IL1RAPL2: variants seen among roughly 807,000 people sequenced by gnomAD.
IL1RAPL2 encodes interleukin 1 receptor accessory protein like 2.
Under a neutral mutation model 44.1 loss-of-function variants are expected in IL1RAPL2, and 3 were observed. The ratio of observed to expected loss-of-function variants is 0.07; its 90% CI spans 0.03 to 0.18. The LOEUF is 0.18. Among genes scored for constraint, IL1RAPL2 ranks in the 10% least tolerant of loss-of-function variants. The pLI is 1.00. For missense variants in IL1RAPL2, 391 were observed against 496.4 expected, an observed-to-expected ratio of 0.79 and a Z score of 2.02; for synonymous variants, 181 against 178.8, an observed-to-expected ratio of 1.01 and a Z score of -0.10.
intron 6 of IL1RAPL2, among the ~76,000 whole-genome samples, chrX:105,558,601 T>G (rs2036912236): frequency 8.9e-6 from 1 of 112,152 alleles, no homozygotes; most frequent in South Asian, 3.6e-4. Flanking sequence ...TATTTATCTA[T>G]CTGAATAAAA....
chrX:105,421,879 C>G (rs753303193), intron 5 of IL1RAPL2, among the ~76,000 whole-genome samples: 36 of 111,900 alleles, frequency 3.2e-4, no homozygotes, highest in Non-Finnish European at 5.8e-4. Flanking sequence ...GGAGAAATAA[C>G]TGAAAACATT....
chrX:105,300,960 G>C (rs750455002), intron 5 of IL1RAPL2, among the ~76,000 whole-genome samples: 2 of 111,807 alleles, frequency 1.8e-5, no homozygotes, highest in Non-Finnish European at 3.8e-5. Flanking sequence ...CAGAGAAATG[G>C]AATAAAAATT....
intron 4 of IL1RAPL2, among the ~76,000 whole-genome samples, chrX:105,237,262 G>A (rs933592014): frequency 1.8e-5 from 2 of 111,925 alleles, no homozygotes; most frequent in Admixed American, 1.9e-4. Flanking sequence ...ATTTGGGTTG[G>A]TTCCAGGTCT....
rs187151073 is a variant in IL1RAPL2, at chrX:105,182,046, G to A, written c.83-13429G>A. Among the ~76,000 whole-genome samples the A allele has an allele frequency of 8.7e-3, 865 of 99,408 alleles. 14 individuals carry two copies. Among genetic ancestry groups the A allele is most frequent in the Non-Finnish European group, 0.012 (583 of 50,573 alleles). 86.3% of individuals were successfully genotyped at this position (99,408 alleles called of 115,157 possible). ...TGCGCCACTGCACTCCAGCCTGGGC[G>A]ACAGAGTGAGACTCTGTCAAAAAAA... On this transcript the variant is annotated intron_variant, in intron 2 of 10. Transcript: ENST00000372582.
At chrX:104,883,401 C>T (rs1277445268) in intron 2 of IL1RAPL2, among the ~76,000 whole-genome samples, 3 of 111,002 alleles carry the variant, frequency 2.7e-5, no homozygotes, top group Admixed American at 9.6e-5. Context: ...TTCTGCTTTT[C>T]CTGTACTTCT....
At chrX:104,901,550 C>T (rs1226196764) in intron 2 of IL1RAPL2, among the ~76,000 whole-genome samples, 3 of 110,353 alleles carry the variant, frequency 2.7e-5, no homozygotes, top group Non-Finnish European at 5.7e-5. Flanking sequence ...TTTTAAGAGC[C>T]TGGCAGGCTC....
chrX:105,443,718 A>G (rs1187009350), intron 5 of IL1RAPL2, among the ~76,000 whole-genome samples: 1 of 112,163 alleles, frequency 8.9e-6, no homozygotes, highest in Non-Finnish European at 1.9e-5. Flanking sequence ...TCCATTGTGT[A>G]TAAGTACATT....
chrX:105,687,792 A>G lies in IL1RAPL2; in HGVS notation c.773-29575A>G, dbSNP rs181322454. Among the ~76,000 whole-genome samples the G allele has an allele frequency of 1.9e-4, 21 of 111,938 alleles. 1 individual carries two copies. The East Asian group carries it at 5.1e-3, about 27-fold the overall frequency. On this transcript the variant is annotated intron_variant, in intron 6 of 10. Transcript: ENST00000372582. Reference sequence around the variant, plus strand: ...ACAAAAAAAGAGAATTTAGACCAGTATCCCTGATGAACATTGATGCGAAAA... The same window carrying G: ...ACAAAAAAAGAGAATTTAGACCAGTGTCCCTGATGAACATTGATGCGAAAA...
chrX:105,509,177 C>T (rs1047076798), intron 6 of IL1RAPL2, among the ~76,000 whole-genome samples: 1 of 111,649 alleles, frequency 9.0e-6, no homozygotes, highest in East Asian at 2.8e-4. Context: ...TTCACGGACT[C>T]TAATAAAGTT....
At chrX:105,500,325 A>G (rs945344825) in intron 6 of IL1RAPL2, among the ~76,000 whole-genome samples, 4 of 109,489 alleles carry the variant, frequency 3.7e-5, no homozygotes, top group Non-Finnish European at 5.7e-5. Flanking sequence ...ACTTCATGTT[A>G]TATGTTAGTT....
At chrX:104,822,088 G>A (rs1921319158) in intron 2 of IL1RAPL2, among the ~76,000 whole-genome samples, 2 of 111,256 alleles carry the variant, frequency 1.8e-5, no homozygotes, top group African/African-American at 3.3e-5. Flanking sequence ...TTTCTGATGG[G>A]GTGTTTTTTT....
At chrX:105,013,993 C>T (rs1217353534) in intron 2 of IL1RAPL2, among the ~76,000 whole-genome samples, 2 of 112,139 alleles carry the variant, frequency 1.8e-5, no homozygotes, top group Non-Finnish European at 3.8e-5. Flanking sequence ...AAGCACCAGG[C>T]ACATAGTGCG....
chrX:105,597,970 A>G (rs1429973058), intron 6 of IL1RAPL2, among the ~76,000 whole-genome samples: 2 of 111,625 alleles, frequency 1.8e-5, no homozygotes, highest in Non-Finnish European at 3.8e-5. Context: ...ACACCTGAGG[A>G]AATGAAATCA....
chrX:104,988,841 CAT>C (rs2030609068), intron 2 of IL1RAPL2, among the ~76,000 whole-genome samples: 1 of 111,885 alleles, frequency 8.9e-6, no homozygotes, highest in African/African-American at 3.2e-5. Context: ...AATCTACAAA[CAT>C]ACAACTATGT....
intron 1 of IL1RAPL2, among the ~76,000 whole-genome samples, chrX:104,585,703 C>A (rs1302270173): frequency 9.3e-6 from 1 of 107,677 alleles, no homozygotes; most frequent in African/African-American, 3.4e-5. Flanking sequence ...ATTTGTTTTT[C>A]TGTTCCTGCA....
rs2036206896 is a variant in IL1RAPL2, at chrX:105,477,681, C to A, written c.698-6632C>A. ...ATCTGATTTGCTAAGTAAGGACCTC[C>A]ATTTTGTCTTCTCACATGAAAGCTA... On this transcript the variant is annotated intron_variant, in intron 5 of 10. Transcript: ENST00000372582. 2.7e-5 allele frequency among the ~76,000 whole-genome samples: 3 copies of A among 111,944 alleles called. No individual in the cohort carries two copies. The South Asian group carries it at 1.1e-3, about 42-fold the overall frequency.
At chrX:104,892,852 T>C (rs1177162434) in intron 2 of IL1RAPL2, among the ~76,000 whole-genome samples, 1 of 111,940 alleles carries the variant, frequency 8.9e-6, no homozygotes, top group Non-Finnish European at 1.9e-5. Context: ...ATGTGTTTGC[T>C]CTTGCTTCTC....
At position 105,512,334 on chromosome X, in the gene IL1RAPL2, C is replaced by T. The variant is rs765173970; in HGVS notation, c.772+27947C>T. Reference sequence around the variant, plus strand: ...CTCTCTGAGTCATAAGATGACATTTCTCTGGTGTTTTCCTGTAGATAGGAA... The same window carrying T: ...CTCTCTGAGTCATAAGATGACATTTTTCTGGTGTTTTCCTGTAGATAGGAA... On this transcript the variant is annotated intron_variant, in intron 6 of 10. Transcript: ENST00000372582. Among the ~76,000 whole-genome samples, 5 of 111,423 alleles carry T rather than the reference C, an allele frequency of 4.5e-5. No homozygotes were observed. In the East Asian group the frequency reaches 1.4e-3, roughly 32 times the overall value.
chrX:105,248,408 G>C (rs972562216), intron 4 of IL1RAPL2, among the ~76,000 whole-genome samples: 2 of 111,703 alleles, frequency 1.8e-5, no homozygotes, highest in Non-Finnish European at 3.8e-5. Flanking sequence ...CAGTATGGTA[G>C]CTTCCTAAAA....
Sources: gnomAD v4.1 joint callset for allele counts (sites outside exome capture counted in the v4.1 genomes callset) on GRCh38, gnomAD v4.1.1 for gene constraint, MANE v1.5 for transcripts, NCBI Gene and HGNC (gene_info 2026-07-23, HGNC 2026-07-21) for gene names.